The following ATP1B2 variants were observed in gnomAD, a reference collection of about 807,000 sequenced individuals.
ATP1B2 encodes sodium/potassium-transporting ATPase subunit beta-2.
In ATP1B2, 12 loss-of-function variants were observed where a neutral mutation model predicts 37.3. The ratio of observed to expected loss-of-function variants is 0.32; its 90% CI spans 0.21 to 0.52. The LOEUF (loss-of-function observed/expected upper bound fraction) is 0.52. Among genes scored for constraint, ATP1B2 ranks in the 20% least tolerant of loss-of-function variants. ATP1B2 has a pLI of 0.96. For synonymous variants in ATP1B2, 139 were observed against 140.5 expected (o/e 0.99, Z 0.07); for missense variants, 324 against 391.6 (o/e 0.83, Z 1.46).
intron 2 of ATP1B2, 103 bp from the exon 3 acceptor site, chr17:7,653,738 C>A: frequency 7.6e-7 from 1 of 1,316,860 alleles, no homozygotes; most frequent in African/African-American, 1.5e-5. Context: ...CTCAGATATT[C>A]ACCGCTGTCC....
rs749177856 is a variant in ATP1B2 at position 7,653,516 on chromosome 17, C to T, written c.241+14C>T. The stretch of plus-strand genomic sequence containing the variant: ...TGGCCACACCGGGTGAGTGTGGAGG[C>T]TCCCCCTGCCAGCTACTCTAACTGC... On this transcript the variant is annotated intron_variant, in intron 2 of 6. Transcript: ENST00000250111. The T allele has an allele frequency of 3.1e-6, 5 of 1,613,654 alleles. No homozygotes were observed. In the East Asian group the frequency reaches 1.1e-4, roughly 36 times the overall value.
Position 7,654,859 on chromosome 17 carries a change from G to A in ATP1B2, c.609+175G>A, listed in dbSNP as rs778612811. 8 of 666,428 alleles carry A rather than the reference G, an allele frequency of 1.2e-5. No homozygotes were observed. The East Asian group carries it at 1.4e-4, about 12-fold the overall frequency. The allele number at this position is 666,428 out of a possible 1,614,324, so 41.3% of individuals were successfully genotyped here. A position where few individuals can be genotyped will look rare whatever the true frequency, so the allele number is the denominator to read the frequency against. On this transcript the variant is annotated intron_variant, in intron 5 of 6. Transcript: ENST00000250111. The surrounding 1 kb of genome is among the most constrained non-coding windows in gnomAD (Gnocchi z 4.9). The stretch of plus-strand genomic sequence containing the variant: ...TGGGCTCCACTGTAGCTTGAACTCC[G>A]AGGGCCCCGCACTCCTCTTGCTTCT...
chr17:7,652,696 A>G (rs2072621992), intron 1 of ATP1B2, among the ~76,000 whole-genome samples: 1 of 152,104 alleles, frequency 6.6e-6, no homozygotes, highest in South Asian at 2.1e-4. Flanking sequence ...TTGGGTCCTT[A>G]CTTCAGGCGG....
At chr17:7,652,587 A>T (rs1386844569) in intron 1 of ATP1B2, among the ~76,000 whole-genome samples, 1 of 152,216 alleles carries the variant, frequency 6.6e-6, no homozygotes, top group African/African-American at 2.4e-5. Flanking sequence ...TGGGATGAGA[A>T]GAATCCAGCA....
In ATP1B2 at chr17:7,651,462, GC is replaced by G; in HGVS notation, c.-52del. 1 of 1,483,404 alleles carries G rather than the reference GC, an allele frequency of 6.7e-7. No homozygotes were observed. 91.9% of individuals were successfully genotyped at this position (1,483,404 alleles called of 1,614,324 possible). ...TGTGTGGAGGGCTTCAGCGCGCGGC[GC>G]CCCCGCTTCTCCGCAACCCCCCGCC... On this transcript the variant is annotated 5_prime_UTR_variant, in exon 1 of 7. Transcript: ENST00000250111.
In ATP1B2 at chr17:7,654,960, C is replaced by A. The variant is rs182028476; in HGVS notation, c.609+276C>A. The A allele has an allele frequency of 4.2e-6, 2 of 478,252 alleles. No homozygotes were observed. The highest frequency in any genetic ancestry group is 7.6e-6 in the Non-Finnish European group (2 of 264,284). The allele number at this position is 478,252 out of a possible 1,614,324, so 29.6% of individuals were successfully genotyped here. ...CCACCAACGCCCTGGCCTCTGGCTTCTCTCCCTAACGCTTCCACCTTCTCC... is the reference window on the plus strand; with the variant it reads ...CCACCAACGCCCTGGCCTCTGGCTTATCTCCCTAACGCTTCCACCTTCTCC... On this transcript the variant is annotated intron_variant, in intron 5 of 6. Transcript: ENST00000250111. The surrounding 1 kb of genome is among the most constrained non-coding windows in gnomAD (Gnocchi z 4.9).
chr17:7,655,945 C>T lies in ATP1B2; in HGVS notation c.*50C>T. ...TCTCCTGTGGATGCTCCTGGAATGT[C>T]CCTGACCCTGCCTGATCCCTCCCTC... On this transcript the variant is annotated 3_prime_UTR_variant, in exon 7 of 7. Coordinates refer to ENST00000250111, the MANE Select transcript of ATP1B2 (RefSeq NM_001678.5). This position sits in a 1 kb window ranked among gnomAD's most constrained non-coding sequence, Gnocchi z 4.4. 1 of 1,602,298 alleles carries T rather than the reference C, an allele frequency of 6.2e-7. No homozygotes were observed. Among genetic ancestry groups the T allele is most frequent in the Non-Finnish European group, 8.5e-7 (1 of 1,172,518 alleles).
In ATP1B2 at chr17:7,651,196, GT is replaced by G; in HGVS notation, c.-319del. The G allele has an allele frequency of 3.6e-6, 1 of 277,752 alleles. No homozygotes were observed. Among genetic ancestry groups the G allele is most frequent in the Non-Finnish European group, 6.9e-6 (1 of 144,622 alleles). The allele number at this position is 277,752 out of a possible 1,614,324, so 17.2% of individuals were successfully genotyped here. A position where few individuals can be genotyped will look rare whatever the true frequency, so the allele number is the denominator to read the frequency against. Reference sequence around the variant, plus strand: ...GCCGTCTGTTTTTGCACCCCATTTCGTTTTGTTTCTAGACGGTTTGGTGGGG... The same window carrying G: ...GCCGTCTGTTTTTGCACCCCATTTCGTTTGTTTCTAGACGGTTTGGTGGGG... On this transcript the variant is annotated 5_prime_UTR_variant, in exon 1 of 7. Transcript: ENST00000250111.
chr17:7,656,677 AT>A lies in ATP1B2; in HGVS notation c.*783del, dbSNP rs1328026026. 1 of 152,792 alleles carries A rather than the reference AT, an allele frequency of 6.5e-6. No homozygotes were observed. The highest frequency in any genetic ancestry group is 1.9e-4 in the East Asian group (1 of 5,230). The allele number at this position is 152,792 out of a possible 1,614,324, so 9.5% of individuals were successfully genotyped here. On this transcript the variant is annotated 3_prime_UTR_variant, in exon 7 of 7. Transcript: ENST00000250111. ...CAGTTTCTTTCTTTGTTTTTTTGAG[AT>A]GGAGTTTCGCTCTTGTTGCCCAGGC...
chr17:7,654,818 G>A lies in ATP1B2; in HGVS notation c.609+134G>A. 1 of 1,017,000 alleles carries A rather than the reference G, an allele frequency of 9.8e-7. No individual in the cohort carries two copies. The highest frequency in any genetic ancestry group is 1.4e-5 in the South Asian group (1 of 69,330). 63.0% of individuals were successfully genotyped at this position (1,017,000 alleles called of 1,614,324 possible). The stretch of plus-strand genomic sequence containing the variant: ...GGCCCCATCACCATAGAAACAAGGG[G>A]GTAAGAGTGGGCTTTTGGGCTCCAC... On this transcript the variant is annotated intron_variant, in intron 5 of 6. Coordinates refer to ENST00000250111, the MANE Select transcript of ATP1B2 (RefSeq NM_001678.5). The surrounding 1 kb of genome is among the most constrained non-coding windows in gnomAD (Gnocchi z 4.9).
intron 1 of ATP1B2, 142 bp downstream of exon 1, chr17:7,651,772 GC>G (rs1446662868): frequency 7.2e-6 from 5 of 696,706 alleles, no homozygotes; most frequent in Non-Finnish European, 1.1e-5. Context: ...CTGGGAGGGG[GC>G]CGAATCGCCA....
chr17:7,649,849 C>T (rs1004769262), upstream of ATP1B2, among the ~76,000 whole-genome samples: 1 of 151,784 alleles, frequency 6.6e-6, no homozygotes, highest in Non-Finnish European at 1.5e-5. Context: ...TGAGCCACCG[C>T]GCCTGGCCTA....
Position 7,653,408 on chromosome 17 carries a change from G to A in ATP1B2, c.147G>A (p.Gly49=). ...FILLFYLVFY[G]FLTAMFTLTM... Reference sequence around the variant, plus strand: ...TCCTCTTCTACCTCGTTTTTTATGGGTTCCTCACCGCCATGTTCACCCTCA... The same window carrying A: ...TCCTCTTCTACCTCGTTTTTTATGGATTCCTCACCGCCATGTTCACCCTCA... The change falls in exon 2 of 7, where the codon GGG becomes GGA. Residue 49 remains glycine, a synonymous_variant. Transcript: ENST00000250111. 6.2e-7 allele frequency: 1 copy of A among 1,613,958 alleles called. No individual in the cohort carries two copies. The highest frequency in any genetic ancestry group is 8.5e-7 in the Non-Finnish European group (1 of 1,179,980).
chr17:7,652,004 C>T (rs1172685821), intron 1 of ATP1B2, among the ~76,000 whole-genome samples: 1 of 152,116 alleles, frequency 6.6e-6, no homozygotes, highest in Non-Finnish European at 1.5e-5. Context: ...TCCGCAGCCC[C>T]GTCTATTTTT....
intron 1 of ATP1B2, 106 bp downstream of exon 1, chr17:7,651,736 G>A (rs2072614655): frequency 2.0e-6 from 2 of 987,346 alleles, no homozygotes; most frequent in African/African-American, 1.7e-5. Flanking sequence ...GGTCCCCGGC[G>A]TCCAGCCTCC....
chr17:7,652,081 G>C (rs556300746), intron 1 of ATP1B2, among the ~76,000 whole-genome samples: 242 of 152,268 alleles, frequency 1.6e-3, no homozygotes, highest in Non-Finnish European at 2.7e-3. Context: ...GGTGTGTTAG[G>C]GGGGTTCTTC....
In ATP1B2 at chr17:7,655,635, A is replaced by G. The variant is rs1049388743; in HGVS notation, c.708+10A>G. 2 of 1,614,150 alleles carry G rather than the reference A, an allele frequency of 1.2e-6. No individual in the cohort carries two copies. Among genetic ancestry groups the G allele is most frequent in the African/African-American group, 1.3e-5 (1 of 75,028 alleles). On this transcript the variant is annotated intron_variant, in intron 6 of 6. Transcript: ENST00000250111. This position sits in a 1 kb window ranked among gnomAD's most constrained non-coding sequence, Gnocchi z 4.4. Reference sequence around the variant, plus strand: ...TGGCAAAAAGTTCCACGTAAGTCCCAGGGGAGGCCCAGGCTGATGGCGGGT... The same window carrying G: ...TGGCAAAAAGTTCCACGTAAGTCCCGGGGGAGGCCCAGGCTGATGGCGGGT...
In ATP1B2 at chr17:7,651,301, GC is replaced by G; in HGVS notation, c.-216del. On this transcript the variant is annotated 5_prime_UTR_variant, in exon 1 of 7. Coordinates refer to ENST00000250111, the MANE Select transcript of ATP1B2 (RefSeq NM_001678.5). ...CACCCCTTTTCATCGCAGTTGGGGG[GC>G]CTAGGATCGGTGCATCTTCCGCCGC... 1.8e-6 allele frequency: 1 copy of G among 566,958 alleles called. No individual in the cohort carries two copies. Among genetic ancestry groups the G allele is most frequent in the Non-Finnish European group, 3.2e-6 (1 of 316,272 alleles). The allele number at this position is 566,958 out of a possible 1,614,324, so 35.1% of individuals were successfully genotyped here.
At chr17:7,653,297 G>C (rs2072625355) in intron 1 of ATP1B2, 77 bp from the exon 2 acceptor site, 3 of 1,594,010 alleles carry the variant, frequency 1.9e-6, no homozygotes, top group Non-Finnish European at 2.6e-6. Flanking sequence ...CTTCAGAGTG[G>C]GTAGAGGGGT....
Sources: allele counts gnomAD v4.1 joint callset (sites outside exome capture counted in the v4.1 genomes callset), GRCh38; gene constraint gnomAD v4.1.1; non-coding constraint Gnocchi (gnomAD v3.1); transcripts MANE v1.5; gene names NCBI Gene and HGNC (gene_info 2026-07-23, HGNC 2026-07-21).